AEBP2: variants seen among roughly 807,000 people sequenced by gnomAD.
AEBP2 encodes AE binding protein 2, also known as zinc finger protein AEBP2.
A neutral mutation model predicts 50.8 loss-of-function variants in AEBP2; 10 were observed. That is an observed-to-expected ratio of 0.20 (90% confidence interval 0.12 to 0.33). AEBP2 has a LOEUF of 0.33. Among genes scored for constraint, AEBP2 ranks in the 10% least tolerant of loss-of-function variants. The pLI is 1.00. For missense variants in AEBP2, 570 were observed against 688.0 expected (o/e 0.83, Z 1.92); for synonymous variants, 296 against 261.3 (o/e 1.13, Z -1.28).
At position 19,515,244 on chromosome 12, in the gene AEBP2, C is replaced by T. The variant is rs1235233517; in HGVS notation, c.1481+460C>T. Among the ~76,000 whole-genome samples, 5 of 152,170 alleles carry T rather than the reference C, an allele frequency of 3.3e-5. No individual in the cohort carries two copies. In the East Asian group the frequency reaches 9.7e-4, roughly 29 times the overall value. On this transcript the variant is annotated intron_variant, in intron 7 of 7. Transcript: ENST00000266508. ...GACATAGCTTAGAGTGTTCACATTT[C>T]TAGTAATTTTATGTTTTGAGCTTTT...
Position 19,440,137 on chromosome 12 carries a change from C to T in AEBP2, c.438C>T (p.Ser146=), listed in dbSNP as rs1390435871. The change falls in exon 1 of 8, where the codon AGC becomes AGT. Residue 146 remains serine (S), a synonymous_variant. Transcript: ENST00000266508. ...GCTCGTTGAGCCCCGGCGCCGCCAG[C>T]AGCAGCAGCGGGGATGGGGACGGCA... ...ETRSLSPGAA[S]SSSGDGDGKE... is the part of the protein sequence containing the mutation. 2.0e-6 allele frequency: 3 copies of T among 1,505,574 alleles called. No individual in the cohort carries two copies. The allele number at this position is 1,505,574 out of a possible 1,614,324, so 93.3% of individuals were successfully genotyped here.
chr12:19,482,477 G>A (rs999907117), intron 3 of AEBP2, among the ~76,000 whole-genome samples: 6 of 152,166 alleles, frequency 3.9e-5, no homozygotes, highest in African/African-American at 2.4e-5. Context: ...GTTGTTTTCC[G>A]CTTCCTGGGA....
chr12:19,447,592 C>A (rs1948094907), intron 1 of AEBP2, among the ~76,000 whole-genome samples: 1 of 152,214 alleles, frequency 6.6e-6, no homozygotes, highest in Non-Finnish European at 1.5e-5. Context: ...AATCTAACTT[C>A]TCAGAAGTTG....
intron 1 of AEBP2, among the ~76,000 whole-genome samples, chr12:19,417,120 C>T (rs193208156): frequency 8.4e-4 from 128 of 152,200 alleles, no homozygotes; most frequent in Non-Finnish European, 1.5e-3. Context: ...ATCCGGCCCA[C>T]CTCAGCCTCC....
Position 19,425,301 on chromosome 12 carries a change from C to T in AEBP2, c.-17+21085C>T, listed in dbSNP as rs12231091. ...TAATAAATTCTTCTACTGTTAATAC[C>T]TCTATAACATCATGCTAGCTGGTAT... On this transcript the variant is annotated intron_variant, in intron 1 of 3. Transcript: ENST00000538425. Among the ~76,000 whole-genome samples, 6 of 152,270 alleles carry T rather than the reference C, an allele frequency of 3.9e-5. No individual in the cohort carries two copies. The South Asian group carries it at 1.2e-3, about 32-fold the overall frequency.
intron 1 of AEBP2, among the ~76,000 whole-genome samples, chr12:19,417,905 A>T (rs370740837): frequency 1.3e-5 from 2 of 151,576 alleles, no homozygotes; most frequent in East Asian, 2.0e-4. Flanking sequence ...GGGTTTTATC[A>T]TGTTGGCCAG....
At position 19,439,864 on chromosome 12, in the gene AEBP2, G is replaced by A; in HGVS notation, c.165G>A (p.Ala55=). The change falls in exon 1 of 8, where the codon GCG becomes GCA. Residue 55 remains alanine (A), a synonymous_variant. Coordinates refer to ENST00000266508, the MANE Select transcript of AEBP2 (RefSeq NM_153207.5). ...AGGAGGCGGAGGCCGAGGCGGTGGC[G>A]GCGCTGCTGCTGAACGGCGGCAGCG... ...EEEEAEAEAV[A]ALLLNGGSGG... 6.7e-7 allele frequency: 1 copy of A among 1,483,748 alleles called. No individual in the cohort carries two copies. The highest frequency in any genetic ancestry group is 8.9e-7 in the Non-Finnish European group (1 of 1,126,482). The allele number at this position is 1,483,748 out of a possible 1,614,324, so 91.9% of individuals were successfully genotyped here. A position where few individuals can be genotyped will look rare whatever the true frequency, so the allele number is the denominator to read the frequency against.
In AEBP2 at chr12:19,439,823, G is replaced by C; in HGVS notation, c.124G>C (p.Glu42Gln). The change falls in exon 1 of 8, where the codon GAG becomes CAG. Residue 42 changes from glutamate to glutamine, a missense_variant. By Grantham distance (29) the Glu-to-Gln change is conservative. Transcript: ENST00000266508. ...TGAGCCCCCCGAGGAGGAGGAGGAA[G>C]AGGAGGAGGAGGAAGAGGAGGCGGA... ...RAEPPEEEEE[E>Q]EEEEEEAEAE... 1 of 1,500,104 alleles carries C rather than the reference G, an allele frequency of 6.7e-7. No individual in the cohort carries two copies. The highest frequency in any genetic ancestry group is 8.8e-7 in the Non-Finnish European group (1 of 1,132,316). The allele number at this position is 1,500,104 out of a possible 1,614,324, so 92.9% of individuals were successfully genotyped here.
chr12:19,495,953 G>C (rs1565730925), intron 4 of AEBP2, among the ~76,000 whole-genome samples: 1 of 152,042 alleles, frequency 6.6e-6, no homozygotes, highest in South Asian at 2.1e-4. Context: ...TTAGCATTGC[G>C]ATCATTTTAC....
chr12:19,484,412 G>T (rs140379109), intron 3 of AEBP2, among the ~76,000 whole-genome samples: 1 of 151,328 alleles, frequency 6.6e-6, no homozygotes, highest in East Asian at 2.0e-4. Context: ...GCTGTGCTCT[G>T]TTGCCAGGCT....
At chr12:19,416,702 C>A (rs983636935) in intron 1 of AEBP2, among the ~76,000 whole-genome samples, 1 of 150,842 alleles carries the variant, frequency 6.6e-6, no homozygotes, top group Admixed American at 6.6e-5. Flanking sequence ...CAACTCACTG[C>A]AGCCTCCGCT....
Position 19,413,242 on chromosome 12 carries a change from C to T in AEBP2, c.-17+9026C>T, listed in dbSNP as rs545082130. The T allele has an allele frequency of 3.5e-4, 324 of 917,850 alleles. No individual in the cohort carries two copies. In the South Asian group the frequency reaches 3.8e-3, roughly 11 times the overall value. 56.9% of individuals were successfully genotyped at this position (917,850 alleles called of 1,614,324 possible). A position where few individuals can be genotyped will look rare whatever the true frequency, so the allele number is the denominator to read the frequency against. On this transcript the variant is annotated intron_variant, in intron 1 of 3. Coordinates refer to the AEBP2 transcript ENST00000538425. ...TAACCCAAGTTTTGGATCAGTCGGC[C>T]GGGCCAGGTTTAAGTAACTTAGCAC...
In AEBP2 at chr12:19,518,809, C is replaced by A; in HGVS notation, c.*692C>A. ...GTGTTGCAGTATGTCTGGTGGCTCC[C>A]TTTTCAGGACTAGGGCTTTCTCATG... On this transcript the variant is annotated 3_prime_UTR_variant, in exon 8 of 8. Coordinates refer to ENST00000266508, the MANE Select transcript of AEBP2 (RefSeq NM_153207.5). 9.0e-7 allele frequency: 1 copy of A among 1,114,630 alleles called. No homozygotes were observed. The highest frequency in any genetic ancestry group is 1.3e-6 in the Non-Finnish European group (1 of 798,696). The allele number at this position is 1,114,630 out of a possible 1,614,324, so 69.0% of individuals were successfully genotyped here.
At chr12:19,467,579 C>T (rs1448416952) in intron 2 of AEBP2, among the ~76,000 whole-genome samples, 1 of 152,202 alleles carries the variant, frequency 6.6e-6, no homozygotes, top group African/African-American at 2.4e-5. Context: ...CAGGCCTGAG[C>T]CACCGTGCCC....
chr12:19,414,469 A>T (rs544376812), intron 1 of AEBP2, among the ~76,000 whole-genome samples: 1 of 152,256 alleles, frequency 6.6e-6, no homozygotes, highest in Admixed American at 6.5e-5. Context: ...AGTGCCTAAG[A>T]TTTTCAGGGA....
chr12:19,440,843 C>T, intron 1 of AEBP2: 3 of 1,298,578 alleles, frequency 2.3e-6, no homozygotes, highest in African/African-American at 1.5e-5. Context: ...TGGGAGAGAC[C>T]CCAGCTATCA....
chr12:19,515,841 T>G (rs993816173), intron 7 of AEBP2, among the ~76,000 whole-genome samples: 12 of 152,168 alleles, frequency 7.9e-5, no homozygotes, highest in African/African-American at 2.9e-4. Context: ...GGCTCATGCC[T>G]ATCATCACAG....
At chr12:19,440,519 C>T (rs1947934911) in intron 1 of AEBP2, 149 bp downstream of exon 1, 22 of 1,387,030 alleles carry the variant, frequency 1.6e-5, no homozygotes, top group Non-Finnish European at 1.8e-5. Context: ...AATCTCTCGC[C>T]GTCGCCGCCG....
chr12:19,409,875 C>G (rs1269589909), intron 1 of AEBP2, among the ~76,000 whole-genome samples: 1 of 152,156 alleles, frequency 6.6e-6, no homozygotes, highest in African/African-American at 2.4e-5. Flanking sequence ...TGCATTAAAA[C>G]TTTCTTCTGA....
Sources: allele counts gnomAD v4.1 joint callset (sites outside exome capture counted in the v4.1 genomes callset), GRCh38; gene constraint gnomAD v4.1.1; transcripts MANE v1.5; gene names NCBI Gene and HGNC (gene_info 2026-07-23, HGNC 2026-07-21).